SIL1: variants seen among roughly 807,000 people sequenced by gnomAD.
SIL1 encodes the protein nucleotide exchange factor SIL1.
A neutral mutation model predicts 49.1 loss-of-function variants in SIL1; 40 were observed. That is an observed-to-expected ratio of 0.81 (90% CI 0.63 to 1.06). The LOEUF (loss-of-function observed/expected upper bound fraction) is 1.06. Among genes scored for constraint, SIL1 ranks in the 50% least tolerant of loss-of-function variants. The probability of loss-of-function intolerance (pLI) is 0.00; values close to 1 mark genes in which losing one functional copy is unlikely to be tolerated. For missense variants in SIL1, 500 were observed against 572.6 expected, an observed-to-expected ratio of 0.87 and a Z score of 1.29; for synonymous variants, 253 against 250.8, an observed-to-expected ratio of 1.01 and a Z score of -0.08.
intron 2 of SIL1, among the ~76,000 whole-genome samples, chr5:139,126,257 G>A (rs1480100394): frequency 6.6e-6 from 1 of 152,178 alleles, no homozygotes; most frequent in African/African-American, 2.4e-5. Flanking sequence ...GTTGATGAAA[G>A]TCAGTATTAA....
In SIL1 at chr5:139,099,315, C is replaced by G. The variant is rs540677294; in HGVS notation, c.244+21720G>C. ...GAGGATGTGGAAAAAAGGGAACCCT[C>G]ATACACTGTTGGTGGGAATGTAAAT... On this transcript the variant is annotated intron_variant, in intron 3 of 9. Transcript: ENST00000394817. 3.9e-5 allele frequency among the ~76,000 whole-genome samples: 6 copies of G among 152,226 alleles called. No individual in the cohort carries two copies. The South Asian group carries it at 6.2e-4, about 16-fold the overall frequency.
chr5:138,979,422 A>G (rs765705011), intron 7 of SIL1, among the ~76,000 whole-genome samples: 7 of 152,242 alleles, frequency 4.6e-5, no homozygotes, highest in Non-Finnish European at 7.3e-5. Flanking sequence ...TGACATGTAA[A>G]AAGAAACACC....
chr5:139,029,624 G>A (rs1325227352), intron 5 of SIL1, among the ~76,000 whole-genome samples: 1 of 151,558 alleles, frequency 6.6e-6, no homozygotes, highest in Non-Finnish European at 1.5e-5. Flanking sequence ...ACCCCAGCGT[G>A]AGTAGTTAGG....
intron 1 of SIL1, among the ~76,000 whole-genome samples, chr5:139,135,685 C>CA (rs1438762063): frequency 1.7e-5 from 2 of 118,232 alleles, no homozygotes; most frequent in Admixed American, 1.9e-4. Context: ...TACAGATCTT[C>CA]AAGAAGGGAG....
chr5:139,021,255 A>G lies in SIL1; in HGVS notation c.683T>C (p.Leu228Pro). ...NAQDLLSFGG[L>P]QVVINGLNST... ...GTTCAGCCCATTGATCACCACTTGA[A>G]GACCACCAAAGGAAAGCAGGTCCTG... Residue 228 changes from leucine (L) to proline (P), a missense_variant, in exon 7 of 10, where the codon CTT (leucine) becomes CCT (proline). Physicochemically the swap from Leu to Pro is moderately conservative, Grantham distance 98. Coordinates refer to ENST00000394817, the MANE Select transcript of SIL1 (RefSeq NM_022464.5). 6.2e-7 allele frequency: 1 copy of G among 1,614,192 alleles called. No homozygotes were observed. The highest frequency in any genetic ancestry group is 8.5e-7 in the Non-Finnish European group (1 of 1,180,026).
intron 3 of SIL1, among the ~76,000 whole-genome samples, chr5:139,062,656 G>C (rs539321971): frequency 8.5e-5 from 13 of 152,208 alleles, no homozygotes; most frequent in Non-Finnish European, 1.8e-4. Context: ...ATTCACAAGA[G>C]TAACGCTTTC....
At chr5:138,992,811 C>G (rs1429147716) in intron 7 of SIL1, among the ~76,000 whole-genome samples, 1 of 151,890 alleles carries the variant, frequency 6.6e-6, no homozygotes, top group Non-Finnish European at 1.5e-5. Context: ...CAGAAATCAC[C>G]ACTAAAGAAC....
intron 4 of SIL1, among the ~76,000 whole-genome samples, chr5:139,050,563 AAGG>A (rs1406426360): frequency 1.3e-5 from 2 of 152,228 alleles, no homozygotes; most frequent in Admixed American, 1.3e-4. Flanking sequence ...ATTGTTCACC[AAGG>A]AAGTATTACT....
At chr5:139,094,468 T>A (rs1040739400) in intron 3 of SIL1, among the ~76,000 whole-genome samples, 1 of 152,134 alleles carries the variant, frequency 6.6e-6, no homozygotes, top group East Asian at 1.9e-4. Flanking sequence ...GATTAAATAA[T>A]AAGTGCTAAG....
intron 7 of SIL1, among the ~76,000 whole-genome samples, chr5:139,002,479 CTAAG>C (rs1768009177): frequency 1.3e-5 from 2 of 152,030 alleles, no homozygotes; most frequent in Admixed American, 6.5e-5. Context: ...AAAGGCTTTA[CTAAG>C]TATCTCATAA....
chr5:139,163,087 AAGGGAGT>A (rs1751547201), intron 1 of SIL1, among the ~76,000 whole-genome samples: 1 of 151,688 alleles, frequency 6.6e-6, no homozygotes, highest in Non-Finnish European at 1.5e-5. Context: ...AGGCAAGCAG[AAGGGAGT>A]AGGGGAGGTT....
intron 3 of SIL1, among the ~76,000 whole-genome samples, chr5:139,115,633 A>T (rs1369232145): frequency 6.6e-6 from 1 of 152,194 alleles, no homozygotes; most frequent in Admixed American, 6.5e-5. Flanking sequence ...CTTGAGCATG[A>T]GGGTTGGCGG....
intron 3 of SIL1, among the ~76,000 whole-genome samples, chr5:139,057,314 T>TAAAA (rs67544778): frequency 1.4e-5 from 1 of 73,392 alleles, no homozygotes; most frequent in African/African-American, 6.0e-5. Flanking sequence ...GAATGATCAA[T>TAAAA]AAAAAAAAAA....
chr5:139,123,724 G>A (rs539258924), intron 2 of SIL1, among the ~76,000 whole-genome samples: 8 of 152,346 alleles, frequency 5.3e-5, no homozygotes, highest in Middle Eastern at 3.4e-3. Flanking sequence ...ATAGGGAGTG[G>A]TGGGACTGCA....
chr5:139,037,954 G>A (rs1041168443), intron 5 of SIL1, among the ~76,000 whole-genome samples: 1 of 152,166 alleles, frequency 6.6e-6, no homozygotes, highest in Non-Finnish European at 1.5e-5. Flanking sequence ...GGAATGAGTC[G>A]ACGTGGTTCC....
intron 5 of SIL1, chr5:139,035,729 A>T: frequency 5.0e-6 from 1 of 201,420 alleles, no homozygotes; most frequent in Admixed American, 5.8e-5. Flanking sequence ...GCTCACTGCA[A>T]GCTCCGCCTC....
chr5:139,160,621 C>A (rs1751492944), intron 1 of SIL1, among the ~76,000 whole-genome samples: 3 of 152,152 alleles, frequency 2.0e-5, no homozygotes, highest in African/African-American at 7.2e-5. Flanking sequence ...GGCAGACCAC[C>A]TGAGGTTAGG....
Position 138,947,561 on chromosome 5 carries a change from G to C in SIL1, c.1030-88C>G, listed in dbSNP as rs1766664200. 1 of 1,206,996 alleles carries C rather than the reference G, an allele frequency of 8.3e-7. No homozygotes were observed. Among genetic ancestry groups the C allele is most frequent in the African/African-American group, 1.5e-5 (1 of 67,208 alleles). The allele number at this position is 1,206,996 out of a possible 1,614,324, so 74.8% of individuals were successfully genotyped here. On this transcript the variant is annotated intron_variant, in intron 9 of 9. Coordinates refer to ENST00000394817, the MANE Select transcript of SIL1 (RefSeq NM_022464.5). The surrounding 1 kb of genome is among the most constrained non-coding windows in gnomAD (Gnocchi z 4.1). ...AGTTAGCTCACACCTGGCTAGCTCT[G>C]CCCTTCAGACAGGAAGGCACGAGGC...
At chr5:139,007,083 T>C (rs1322532140) in intron 7 of SIL1, among the ~76,000 whole-genome samples, 1 of 132,240 alleles carries the variant, frequency 7.6e-6, no homozygotes, top group Non-Finnish European at 1.6e-5. Context: ...TGATTCTTCC[T>C]ACCCATGAGC....
Sources: allele counts gnomAD v4.1 joint callset (sites outside exome capture counted in the v4.1 genomes callset), GRCh38; gene constraint gnomAD v4.1.1; non-coding constraint Gnocchi (gnomAD v3.1); transcripts MANE v1.5; gene names NCBI Gene and HGNC (gene_info 2026-07-23, HGNC 2026-07-21).